Variants in AKT1 observed in about 807,000 individuals in gnomAD.
The protein encoded by AKT1 is AKT serine/threonine kinase 1.
A neutral mutation model predicts 63.1 loss-of-function variants in AKT1; 21 were observed. The ratio of observed to expected loss-of-function variants is 0.33; its 90% CI spans 0.24 to 0.48. AKT1 has a LOEUF of 0.48. Among genes scored for constraint, AKT1 ranks in the 20% least tolerant of loss-of-function variants. The probability of loss-of-function intolerance (pLI) is 0.99; values close to 1 mark genes in which losing one functional copy is unlikely to be tolerated. For synonymous variants in AKT1, 257 were observed against 253.1 expected, an observed-to-expected ratio of 1.02 and a Z score of -0.15; for missense variants, 382 against 666.0, an observed-to-expected ratio of 0.57 and a Z score of 4.69.
intron 12 of AKT1, 53 bp downstream of exon 12, chr14:104,772,822 AGCC>A: frequency 5.2e-6 from 8 of 1,546,612 alleles, no homozygotes; most frequent in Non-Finnish European, 7.0e-6. Flanking sequence ...GGGCAGGTGC[AGCC>A]TGGGGATGAG....
At chr14:104,774,671 T>G in intron 8 of AKT1, 1 of 498,594 alleles carries the variant, frequency 2.0e-6, no homozygotes, top group Non-Finnish European at 3.6e-6. Flanking sequence ...AGCTGGGGCC[T>G]CCTGGAGCCT....
At chr14:104,792,489 C>T (rs1334029443) in intron 3 of AKT1, 109 bp downstream of exon 3, 1 of 1,328,848 alleles carries the variant, frequency 7.5e-7, no homozygotes, top group Admixed American at 1.7e-5. Context: ...CCCAGGAGCC[C>T]CAGGGGAGGC....
intron 4 of AKT1, chr14:104,778,199 C>T (rs559566985): frequency 8.8e-4 from 134 of 152,408 alleles, no homozygotes; most frequent in Non-Finnish European, 1.6e-3. Context: ...CCCAATGCCT[C>T]GGCCTGGCGA....
rs2140917214 is a variant in AKT1 at position 104,775,136 on chromosome 14, C to G, written c.507G>C (p.Glu169Asp). 1.2e-6 allele frequency: 2 copies of G among 1,614,184 alleles called. No homozygotes were observed. Among genetic ancestry groups the G allele is most frequent in the Non-Finnish European group, 1.7e-6 (2 of 1,180,044 alleles). Residue 169 changes from glutamate to aspartate, a missense_variant, in exon 7 of 15, where the codon GAG (glutamate) becomes GAC (aspartate). Glu to Asp is a conservative substitution (Grantham distance 45). This residue lies in a region of AKT1 where 226 missense variants were observed against 366.4 expected (regional missense o/e 0.62). Transcript: ENST00000649815. ...TGGCGTAGTAGCGGCCTGTGGCCTT[C>G]TCCTTCACCAGGATCACCTTGCCGA... ...GTFGKVILVK[E>D]KATGRYYAMK...
At chr14:104,788,485 C>T (rs565401567) in intron 3 of AKT1, among the ~76,000 whole-genome samples, 23 of 152,316 alleles carry the variant, frequency 1.5e-4, no homozygotes, top group Admixed American at 1.4e-3. Flanking sequence ...GTTTACTCAG[C>T]AAAGCCAAGG....
At chr14:104,784,114 C>T (rs1893215036) in intron 3 of AKT1, among the ~76,000 whole-genome samples, 1 of 152,176 alleles carries the variant, frequency 6.6e-6, no homozygotes, top group Admixed American at 6.5e-5. Flanking sequence ...CCAGTCTCAC[C>T]CTCCTGCTGG....
At chr14:104,784,747 G>C (rs2140977305) in intron 3 of AKT1, among the ~76,000 whole-genome samples, 1 of 152,170 alleles carries the variant, frequency 6.6e-6, no homozygotes, top group African/African-American at 2.4e-5. Flanking sequence ...GCCACACTGT[G>C]GGTCAGGCCC....
At chr14:104,779,980 C>T in intron 4 of AKT1, 108 bp downstream of exon 4, 2 of 1,482,614 alleles carry the variant, frequency 1.3e-6, no homozygotes, top group South Asian at 1.3e-5. Context: ...TGCTTGCCAG[C>T]CCAGGACTTG....
Position 104,773,207 on chromosome 14 carries a change from C to G in AKT1, c.957+44G>C, listed in dbSNP as rs764416293. 3.1e-6 allele frequency: 5 copies of G among 1,613,300 alleles called. No homozygotes were observed. The South Asian group carries it at 5.5e-5, about 18-fold the overall frequency. On this transcript the variant is annotated intron_variant, in intron 11 of 14. Transcript: ENST00000649815. ...GACACAGCATTGCGTGTGCTCAGGA[C>G]GTGGGGACGCAGCAACGCGTATGCA... is the stretch of plus-strand genomic sequence containing the variant.
intron 3 of AKT1, among the ~76,000 whole-genome samples, chr14:104,781,649 G>A (rs546506074): frequency 1.7e-4 from 26 of 152,260 alleles, no homozygotes; most frequent in South Asian, 4.1e-4. Context: ...CCAGCACCAC[G>A]GGGCGTGGTC....
At position 104,775,639 on chromosome 14, in the gene AKT1, G is replaced by A. The variant is rs762378284; in HGVS notation, c.435+13C>T. The A allele has an allele frequency of 2.5e-6, 4 of 1,613,362 alleles. No homozygotes were observed. The highest frequency in any genetic ancestry group is 2.5e-6 in the Non-Finnish European group (3 of 1,179,632). On this transcript the variant is annotated intron_variant, in intron 6 of 14. Transcript: ENST00000649815. ...CAGCCCCAGGCACAGGCAGAAGTGGGGACAGGCCTCACCACGCGGTGCTTG... is the reference window on the plus strand; with the variant it reads ...CAGCCCCAGGCACAGGCAGAAGTGGAGACAGGCCTCACCACGCGGTGCTTG...
At position 104,780,955 on chromosome 14, in the gene AKT1, G is replaced by A. The variant is rs116406122; in HGVS notation, c.47-739C>T. Among the ~76,000 whole-genome samples the A allele has an allele frequency of 1.5e-3, 231 of 152,296 alleles. 1 individual carries two copies. Among genetic ancestry groups the A allele is most frequent in the Middle Eastern group, 0.01 (3 of 294 alleles). On this transcript the variant is annotated intron_variant, in intron 3 of 14. Coordinates refer to ENST00000649815, the MANE Select transcript of AKT1 (RefSeq NM_001382430.1). The stretch of plus-strand genomic sequence containing the variant: ...ACAGAGGGTGCCAAGTCCCCAGGCT[G>A]AGACCCACACTCAGGCCCTGCCGCC...
rs1428090408 is a variant in AKT1 at position 104,769,858 on chromosome 14, C to T, written c.*483G>A. 4 of 384,492 alleles carry T rather than the reference C, an allele frequency of 1.0e-5. No individual in the cohort carries two copies. Among genetic ancestry groups the T allele is most frequent in the African/African-American group, 6.3e-5 (3 of 47,754 alleles). 23.8% of individuals were successfully genotyped at this position (384,492 alleles called of 1,614,324 possible). The stretch of plus-strand genomic sequence containing the variant: ...GGGGGGCTGCTGTGTGCCTGCCACC[C>T]CCAGGAGAGGGTGCTGGCCAGCATA... On this transcript the variant is annotated 3_prime_UTR_variant, in exon 15 of 15. Coordinates refer to ENST00000649815, the MANE Select transcript of AKT1 (RefSeq NM_001382430.1).
chr14:104,778,386 CAG>C (rs1450303271), intron 4 of AKT1: 7 of 152,456 alleles, frequency 4.6e-5, no homozygotes, highest in Middle Eastern at 3.4e-3. Context: ...TGTCAGGAGA[CAG>C]GGGTGTCTGC....
At chr14:104,784,608 C>A (rs1383220942) in intron 3 of AKT1, among the ~76,000 whole-genome samples, 1 of 152,172 alleles carries the variant, frequency 6.6e-6, no homozygotes, top group African/African-American at 2.4e-5. Flanking sequence ...CCTCCTGGAC[C>A]AAATACCGGG....
chr14:104,772,804 T>G, intron 12 of AKT1, 74 bp downstream of exon 12: 1 of 1,485,792 alleles, frequency 6.7e-7, no homozygotes, highest in South Asian at 1.3e-5. Flanking sequence ...CAGGACCGCC[T>G]GGCGCAGGGG....
chr14:104,771,025 TGA>T (rs1394266969), intron 13 of AKT1, 178 bp from the exon 14 acceptor site: 1 of 614,324 alleles, frequency 1.6e-6, no homozygotes, highest in Non-Finnish European at 2.9e-6. Context: ...GGGAGGGACA[TGA>T]GGGGTGCAGG....
At chr14:104,774,850 CAAG>C in intron 8 of AKT1, 85 bp downstream of exon 8, 2 of 1,439,806 alleles carry the variant, frequency 1.4e-6, no homozygotes, top group Non-Finnish European at 1.9e-6. Flanking sequence ...CTCACGTGCC[CAAG>C]AAGACAGGAC....
Position 104,769,998 on chromosome 14 carries a change from A to G in AKT1, c.*343T>C, listed in dbSNP as rs909147158. ...GGCGGCTGGCTGACAGAGTGAGGGG[A>G]CACATGGGCAGGACCTGCCCGGCCC... On this transcript the variant is annotated 3_prime_UTR_variant, in exon 15 of 15. Coordinates refer to ENST00000649815, the MANE Select transcript of AKT1 (RefSeq NM_001382430.1). 6 of 448,130 alleles carry G rather than the reference A, an allele frequency of 1.3e-5. No individual in the cohort carries two copies. Among genetic ancestry groups the G allele is most frequent in the African/African-American group, 9.9e-5 (5 of 50,544 alleles). 27.8% of individuals were successfully genotyped at this position (448,130 alleles called of 1,614,324 possible).
Sources: gnomAD v4.1 joint callset for allele counts (sites outside exome capture counted in the v4.1 genomes callset) on GRCh38, gnomAD v4.1.1 for gene constraint, gnomAD v4.1.1 regional missense constraint, MANE v1.5 for transcripts, NCBI Gene and HGNC (gene_info 2026-07-23, HGNC 2026-07-21) for gene names.